Variants in ATXN1 observed in about 807,000 individuals in gnomAD.
The protein encoded by ATXN1 is ataxin-1.
ATXN1 carries 8 observed loss-of-function variants against 56.4 expected under a neutral mutation model. The observed-to-expected ratio is 0.14, with a 90% CI of 0.08 to 0.26. The LOEUF is 0.26. Among genes scored for constraint, ATXN1 ranks in the 10% least tolerant of loss-of-function variants. ATXN1 has a pLI of 1.00. For synonymous variants in ATXN1, 514 were observed against 494.6 expected (o/e 1.04, Z -0.52); for missense variants, 987 against 1,106.5 (o/e 0.89, Z 1.53).
At chr6:16,668,266 CAT>C (rs1487207611) in intron 2 of ATXN1, among the ~76,000 whole-genome samples, 4 of 151,904 alleles carry the variant, frequency 2.6e-5, no homozygotes, top group Admixed American at 1.3e-4. Context: ...CATATGTACA[CAT>C]GTGCCATGTT....
chr6:16,337,959 A>G (rs1761159975), intron 6 of ATXN1, among the ~76,000 whole-genome samples: 7 of 152,220 alleles, frequency 4.6e-5, no homozygotes, highest in Admixed American at 2.0e-4. Context: ...GTTTCTTACC[A>G]CCACTGTGAT....
At chr6:16,513,488 A>C (rs899966475) in intron 5 of ATXN1, among the ~76,000 whole-genome samples, 3 of 152,190 alleles carry the variant, frequency 2.0e-5, no homozygotes, top group Non-Finnish European at 4.4e-5. Flanking sequence ...ACAATCTATA[A>C]ATAGCTTAGG....
intron 5 of ATXN1, among the ~76,000 whole-genome samples, chr6:16,515,342 T>G (rs527991964): frequency 3.9e-5 from 6 of 152,212 alleles, no homozygotes; most frequent in Non-Finnish European, 8.8e-5. Context: ...AAATCTCCAG[T>G]GACTGCCAAC....
At chr6:16,489,604 A>G (rs774488354) in intron 5 of ATXN1, among the ~76,000 whole-genome samples, 1 of 152,198 alleles carries the variant, frequency 6.6e-6, no homozygotes, top group Non-Finnish European at 1.5e-5. Flanking sequence ...TGGCATGTGG[A>G]GGGGAGATGC....
At chr6:16,489,745 G>A (rs1760622483) in intron 5 of ATXN1, among the ~76,000 whole-genome samples, 1 of 152,118 alleles carries the variant, frequency 6.6e-6, no homozygotes, top group Non-Finnish European at 1.5e-5. Context: ...TTGAGCTCAG[G>A]AGTTCAAGGC....
intron 6 of ATXN1, among the ~76,000 whole-genome samples, chr6:16,347,599 A>T (rs899037314): frequency 6.6e-6 from 1 of 152,138 alleles, no homozygotes; most frequent in Non-Finnish European, 1.5e-5. Flanking sequence ...GAATGCACCA[A>T]TCCACACTCT....
At chr6:16,521,893 A>T (rs1761298563) in intron 5 of ATXN1, among the ~76,000 whole-genome samples, 1 of 152,234 alleles carries the variant, frequency 6.6e-6, no homozygotes, top group Non-Finnish European at 1.5e-5. Flanking sequence ...CAACCCCTTT[A>T]CTTAGTAGCC....
intron 6 of ATXN1, among the ~76,000 whole-genome samples, chr6:16,446,870 CA>C (rs1265469156): frequency 6.6e-6 from 1 of 152,138 alleles, no homozygotes; most frequent in Non-Finnish European, 1.5e-5. Flanking sequence ...CCTAGAGTAA[CA>C]TGGATGAAGC....
intron 2 of ATXN1, among the ~76,000 whole-genome samples, chr6:16,677,111 C>A (rs1758679345): frequency 6.6e-6 from 1 of 151,328 alleles, no homozygotes; most frequent in Admixed American, 6.6e-5. Context: ...AAGAGGTTGT[C>A]CTTGTCCTTA....
At chr6:16,747,835 C>T (rs1760585149) in intron 2 of ATXN1, among the ~76,000 whole-genome samples, 2 of 152,036 alleles carry the variant, frequency 1.3e-5, no homozygotes, top group African/African-American at 4.8e-5. Flanking sequence ...CTGGGCGAGG[C>T]AGGGGCAGAG....
chr6:16,761,078 A>ACACACACACG (rs1353504719), intron 1 of ATXN1: 27 of 356,716 alleles, frequency 7.6e-5, no homozygotes, highest in African/African-American at 5.4e-4. Flanking sequence ...ACACACACAC[A>ACACACACACG]CACACACACG....
intron 5 of ATXN1, among the ~76,000 whole-genome samples, chr6:16,498,265 C>A (rs1267888167): frequency 6.6e-6 from 1 of 152,286 alleles, no homozygotes; most frequent in Middle Eastern, 3.4e-3. Flanking sequence ...TGTCTGGCTG[C>A]TTTCTCTTGG....
At chr6:16,754,657 A>G (rs1760833287) in intron 1 of ATXN1, 1 of 152,222 alleles carries the variant, frequency 6.6e-6, no homozygotes, top group African/African-American at 2.4e-5. Flanking sequence ...TAATCCATTC[A>G]CCAAGCATTT....
intron 4 of ATXN1, among the ~76,000 whole-genome samples, chr6:16,530,671 G>A (rs920710031): frequency 1.3e-5 from 2 of 152,100 alleles, no homozygotes; most frequent in African/African-American, 4.8e-5. Context: ...AGTACCTGGT[G>A]ACAAAATAAT....
At chr6:16,680,979 TG>T (rs1313370949) in intron 2 of ATXN1, among the ~76,000 whole-genome samples, 1 of 152,090 alleles carries the variant, frequency 6.6e-6, no homozygotes, top group Non-Finnish European at 1.5e-5. Flanking sequence ...AACCAGTGAT[TG>T]AGCTAAAATG....
chr6:16,309,172 G>A (rs1760327657), intron 7 of ATXN1, among the ~76,000 whole-genome samples: 2 of 150,272 alleles, frequency 1.3e-5, no homozygotes, highest in Admixed American at 6.6e-5. Context: ...AGGTTGCAGT[G>A]AGCTATGATC....
chr6:16,381,267 C>T (rs1353277663), intron 6 of ATXN1, among the ~76,000 whole-genome samples: 2 of 151,766 alleles, frequency 1.3e-5, no homozygotes, highest in Non-Finnish European at 2.9e-5. Context: ...GCCTGGGTGA[C>T]AGAGCAAGAC....
chr6:16,712,286 G>T lies in ATXN1; in HGVS notation c.-615+40947C>A, dbSNP rs551318276. Among the ~76,000 whole-genome samples, 21 of 151,974 alleles carry T rather than the reference G, an allele frequency of 1.4e-4. No individual in the cohort carries two copies. The South Asian group carries it at 4.4e-3, about 32-fold the overall frequency. On this transcript the variant is annotated intron_variant, in intron 2 of 7. Transcript: ENST00000436367. The stretch of plus-strand genomic sequence containing the variant: ...CTATTAATAATAAACTAATTTATTA[G>T]TGAAAAGAAAGATGTACTTTCTACC...
At chr6:16,416,475 G>C (rs553254729) in intron 6 of ATXN1, among the ~76,000 whole-genome samples, 3 of 152,272 alleles carry the variant, frequency 2.0e-5, no homozygotes, top group South Asian at 4.1e-4. Flanking sequence ...TAAAATATAA[G>C]AAAGTACAAT....
Sources: allele counts gnomAD v4.1 joint callset (sites outside exome capture counted in the v4.1 genomes callset), GRCh38; gene constraint gnomAD v4.1.1; transcripts MANE v1.5; gene names NCBI Gene and HGNC (gene_info 2026-07-23, HGNC 2026-07-21).